NOL4: variants seen among roughly 807,000 people sequenced by gnomAD.
NOL4 encodes nucleolar protein 4.
NOL4 carries 17 observed loss-of-function variants against 75.9 expected under a neutral mutation model. The ratio of observed to expected loss-of-function variants is 0.22; its 90% CI spans 0.15 to 0.34. The LOEUF is 0.34. Ranked by LOEUF, NOL4 falls within the 10% of genes least tolerant of loss-of-function variation. NOL4 has a pLI of 1.00. For missense variants in NOL4, 614 were observed against 793.5 expected, an observed-to-expected ratio of 0.77 and a Z score of 2.72; for synonymous variants, 292 against 289.9, an observed-to-expected ratio of 1.01 and a Z score of -0.07.
chr18:34,108,016 G>A (rs570016137), intron 2 of NOL4, among the ~76,000 whole-genome samples: 1 of 152,254 alleles, frequency 6.6e-6, no homozygotes, highest in African/African-American at 2.4e-5. Flanking sequence ...TCTCCACATG[G>A]TTGAAGGAGA....
chr18:33,877,448 A>G (rs1599711997), intron 10 of NOL4, among the ~76,000 whole-genome samples: 1 of 151,190 alleles, frequency 6.6e-6, no homozygotes, highest in Non-Finnish European at 1.5e-5. Flanking sequence ...AAAAAAAAAA[A>G]AAAAAAAAAA....
At chr18:34,161,128 G>A (rs2031406526) in intron 1 of NOL4, among the ~76,000 whole-genome samples, 1 of 152,154 alleles carries the variant, frequency 6.6e-6, no homozygotes, top group Non-Finnish European at 1.5e-5. Context: ...GCTCAGCAAT[G>A]TTGCTGTGAA....
intron 5 of NOL4, among the ~76,000 whole-genome samples, chr18:34,059,868 C>T (rs1025846260): frequency 6.6e-6 from 1 of 152,094 alleles, no homozygotes; most frequent in Non-Finnish European, 1.5e-5. Flanking sequence ...GGCTCTGACA[C>T]CCGGAGAGAA....
intron 10 of NOL4, among the ~76,000 whole-genome samples, chr18:33,881,197 A>T (rs2064247712): frequency 1.3e-5 from 2 of 150,438 alleles, no homozygotes; most frequent in Non-Finnish European, 3.0e-5. Context: ...AATGCTTGTG[A>T]TTTTTGTACA....
At chr18:34,182,944 C>T (rs140054380) in intron 1 of NOL4, among the ~76,000 whole-genome samples, 1 of 151,814 alleles carries the variant, frequency 6.6e-6, no homozygotes, top group African/African-American at 2.4e-5. Flanking sequence ...CATAAAACTA[C>T]AGAATATTTT....
chr18:33,965,923 A>G (rs572880664), intron 6 of NOL4, among the ~76,000 whole-genome samples: 1 of 152,328 alleles, frequency 6.6e-6, no homozygotes, highest in South Asian at 2.1e-4. Flanking sequence ...AAAATGTGGG[A>G]AAGTCTTAAA....
intron 6 of NOL4, among the ~76,000 whole-genome samples, chr18:33,963,983 AT>A (rs2070366538): frequency 1.3e-5 from 2 of 152,084 alleles, no homozygotes; most frequent in Admixed American, 1.3e-4. Flanking sequence ...TTTCCTCATT[AT>A]GTCCTAAATG....
At chr18:33,868,191 T>C (rs2063523385) in intron 10 of NOL4, among the ~76,000 whole-genome samples, 1 of 151,250 alleles carries the variant, frequency 6.6e-6, no homozygotes, top group South Asian at 2.1e-4. Context: ...GCCATGCTAC[T>C]ACACCTGGGC....
At chr18:34,058,977 C>T (rs116565920) in intron 5 of NOL4, among the ~76,000 whole-genome samples, 1,777 of 151,786 alleles carry the variant, frequency 0.012, 33 homozygotes, top group African/African-American at 0.041. Context: ...CATAAATTCT[C>T]TGGACTCTGC....
intron 10 of NOL4, among the ~76,000 whole-genome samples, chr18:33,879,543 T>A (rs116688531): frequency 0.014 from 2,202 of 152,016 alleles, 47 homozygotes; most frequent in African/African-American, 0.051. Context: ...TAGCCCAGCA[T>A]GGAGGCATGC....
At chr18:33,970,655 C>T (rs1425154824) in intron 6 of NOL4, among the ~76,000 whole-genome samples, 1 of 151,862 alleles carries the variant, frequency 6.6e-6, no homozygotes, top group African/African-American at 2.4e-5. Context: ...ATCCTCATAA[C>T]TTATACAGAA....
chr18:33,936,156 A>T (rs1022771335), intron 9 of NOL4, among the ~76,000 whole-genome samples: 3 of 152,012 alleles, frequency 2.0e-5, no homozygotes, highest in South Asian at 2.1e-4. Context: ...AGATAGTTTT[A>T]AAAAAAAGTC....
At chr18:33,943,478 G>T (rs747077527) in intron 8 of NOL4, among the ~76,000 whole-genome samples, 1 of 151,726 alleles carries the variant, frequency 6.6e-6, no homozygotes, top group Non-Finnish European at 1.5e-5. Flanking sequence ...CAAAACTGCT[G>T]ACTGGATTTT....
chr18:34,148,740 G>T lies in NOL4; in HGVS notation c.265-18720C>A, dbSNP rs565584050. ...ATGTCTATTAGGTCTGCTTGGTCTA[G>T]AGCTGAGTCCAATCCTGAATATCCT... On this transcript the variant is annotated intron_variant, in intron 1 of 10. Coordinates refer to ENST00000261592, the MANE Select transcript of NOL4 (RefSeq NM_003787.5). Among the ~76,000 whole-genome samples the T allele has an allele frequency of 2.6e-5, 4 of 152,046 alleles. No homozygotes were observed. The South Asian group carries it at 8.3e-4, about 32-fold the overall frequency.
intron 6 of NOL4, among the ~76,000 whole-genome samples, chr18:33,982,251 T>C (rs2072025114): frequency 6.6e-6 from 1 of 151,962 alleles, no homozygotes; most frequent in Non-Finnish European, 1.5e-5. Context: ...AATATACCAA[T>C]GAAAGAACAG....
chr18:34,139,507 T>C (rs1202394608), intron 1 of NOL4, among the ~76,000 whole-genome samples: 2 of 152,218 alleles, frequency 1.3e-5, no homozygotes, highest in African/African-American at 4.8e-5. Context: ...TGTATTTCTG[T>C]GGGATCAGTG....
intron 1 of NOL4, among the ~76,000 whole-genome samples, chr18:34,200,653 A>G (rs2035668368): frequency 6.6e-6 from 1 of 151,808 alleles, no homozygotes; most frequent in Non-Finnish European, 1.5e-5. Flanking sequence ...ATATATTCAT[A>G]TATTACATAC....
chr18:33,873,749 G>C (rs1277362922), intron 10 of NOL4, among the ~76,000 whole-genome samples: 2 of 151,910 alleles, frequency 1.3e-5, no homozygotes, highest in African/African-American at 4.8e-5. Flanking sequence ...CTAACACTTG[G>C]TAGTAAGACA....
intron 6 of NOL4, among the ~76,000 whole-genome samples, chr18:34,013,264 T>C (rs2146347879): frequency 6.6e-6 from 1 of 152,034 alleles, no homozygotes; most frequent in East Asian, 1.9e-4. Flanking sequence ...TTCTGTCCAT[T>C]TAATTTTCTA....
Sources: allele counts gnomAD v4.1 joint callset (sites outside exome capture counted in the v4.1 genomes callset), GRCh38; gene constraint gnomAD v4.1.1; transcripts MANE v1.5; gene names NCBI Gene and HGNC (gene_info 2026-07-23, HGNC 2026-07-21).